Variants in TRAT1 observed in about 807,000 individuals in gnomAD.
TRAT1 encodes T cell receptor associated transmembrane adaptor 1.
Under a neutral mutation model 20.0 loss-of-function variants are expected in TRAT1, and 20 were observed. The observed-to-expected ratio is 1.00, with a 90% CI of 0.70 to 1.45. The LOEUF (loss-of-function observed/expected upper bound fraction) is 1.45, where lower values mean the gene tolerates loss of function less well. TRAT1 is among the 40% of genes most tolerant of loss of function. TRAT1 has a pLI of 0.00. For synonymous variants in TRAT1, 77 were observed against 74.2 expected (o/e 1.04, Z -0.20); for missense variants, 237 against 224.1 (o/e 1.06, Z -0.37).
chr3:108,853,691 GA>G lies in TRAT1; in HGVS notation c.378del (p.Lys126AsnfsTer18), dbSNP rs1946018852. The G allele has an allele frequency of 6.2e-7, 1 of 1,614,026 alleles. No homozygotes were observed. On this transcript the variant is annotated frameshift_variant, in exon 6 of 6. Transcript: ENST00000295756. LOFTEE classifies it low-confidence loss of function (END_TRUNC). ...SVKGKRRKPR[K>X]QNTHFSDKDG... ...TTAAGGGGAAGCGTAGAAAGCCCAGGAAACAGAATACTCATTTCTCAGACAA... is the reference window on the plus strand; with the variant it reads ...TTAAGGGGAAGCGTAGAAAGCCCAGGAACAGAATACTCATTTCTCAGACAA...
At chr3:108,823,298 CA>C (rs1945709346) in intron 1 of TRAT1, among the ~76,000 whole-genome samples, 1 of 152,144 alleles carries the variant, frequency 6.6e-6, no homozygotes, top group Non-Finnish European at 1.5e-5. Flanking sequence ...TCTAATTCCT[CA>C]GAGATTAGGC....
At chr3:108,839,814 A>G (rs1323655638) in intron 3 of TRAT1, among the ~76,000 whole-genome samples, 1 of 152,174 alleles carries the variant, frequency 6.6e-6, no homozygotes, top group Non-Finnish European at 1.5e-5. Flanking sequence ...TTATTGAGCT[A>G]TTTGCAAAGA....
At chr3:108,845,407 A>T (rs989623412) in intron 3 of TRAT1, among the ~76,000 whole-genome samples, 1 of 152,240 alleles carries the variant, frequency 6.6e-6, no homozygotes, top group Non-Finnish European at 1.5e-5. Context: ...TTGTCTTATT[A>T]AAAATTCTTC....
intron 5 of TRAT1, among the ~76,000 whole-genome samples, chr3:108,851,815 C>T (rs1459360717): frequency 6.6e-6 from 1 of 152,174 alleles, no homozygotes; most frequent in African/African-American, 2.4e-5. Context: ...ATTAAACATA[C>T]AATTTGTGGT....
At chr3:108,826,514 A>G (rs1181096943) in intron 1 of TRAT1, among the ~76,000 whole-genome samples, 2 of 152,128 alleles carry the variant, frequency 1.3e-5, no homozygotes, top group Non-Finnish European at 2.9e-5. Flanking sequence ...GATGATGGGT[A>G]GTGGTTGGGA....
intron 5 of TRAT1, among the ~76,000 whole-genome samples, chr3:108,851,264 T>G (rs1178385777): frequency 6.6e-6 from 1 of 152,208 alleles, no homozygotes; most frequent in Non-Finnish European, 1.5e-5. Context: ...CCTTTGAAAA[T>G]GATGTGTACA....
At chr3:108,837,863 C>G (rs1307875137) in intron 2 of TRAT1, among the ~76,000 whole-genome samples, 1 of 151,872 alleles carries the variant, frequency 6.6e-6, no homozygotes, top group Non-Finnish European at 1.5e-5. Flanking sequence ...CCTGATTATC[C>G]CTTACTTTTT....
chr3:108,850,123 T>A lies in TRAT1; in HGVS notation c.303+869T>A, dbSNP rs72949571. Among the ~76,000 whole-genome samples the A allele has an allele frequency of 4.4e-3, 677 of 152,218 alleles. 5 individuals carry two copies. Among genetic ancestry groups the A allele is most frequent in the Middle Eastern group, 0.02 (6 of 294 alleles). ...ATTATCATTCCCATTTTACAAATGC[T>A]CACAAAGGATGAAAACTTGCCCAGA... On this transcript the variant is annotated intron_variant, in intron 5 of 5. Coordinates refer to ENST00000295756, the MANE Select transcript of TRAT1 (RefSeq NM_016388.4).
At chr3:108,845,816 C>G (rs1207406264) in intron 3 of TRAT1, among the ~76,000 whole-genome samples, 1 of 151,912 alleles carries the variant, frequency 6.6e-6, no homozygotes, top group Non-Finnish European at 1.5e-5. Flanking sequence ...CTGATAAGTT[C>G]CTCAGTTCCC....
At chr3:108,833,650 CT>C (rs1945814337) in intron 2 of TRAT1, among the ~76,000 whole-genome samples, 2 of 152,030 alleles carry the variant, frequency 1.3e-5, no homozygotes, top group South Asian at 4.2e-4. Flanking sequence ...AATAGTATAC[CT>C]TTGAAGTAGA....
intron 1 of TRAT1, 72 bp downstream of exon 1, chr3:108,823,006 G>A (rs1945706405): frequency 7.7e-7 from 1 of 1,300,112 alleles, no homozygotes; most frequent in Non-Finnish European, 1.1e-6. Context: ...GTCCTAACGA[G>A]AAGACCCTTA....
chr3:108,829,333 C>T (rs1159353205), intron 1 of TRAT1, among the ~76,000 whole-genome samples: 1 of 152,074 alleles, frequency 6.6e-6, no homozygotes, highest in East Asian at 1.9e-4. Flanking sequence ...CCTGTAATCC[C>T]AGCACTTTGG....
At chr3:108,846,025 G>A (rs1354681751) in intron 3 of TRAT1, among the ~76,000 whole-genome samples, 2 of 152,132 alleles carry the variant, frequency 1.3e-5, no homozygotes, top group African/African-American at 4.8e-5. Context: ...CCTGAGGGTC[G>A]GGGAGACATA....
At chr3:108,839,844 A>AT (rs1468424074) in intron 3 of TRAT1, among the ~76,000 whole-genome samples, 2 of 152,148 alleles carry the variant, frequency 1.3e-5, no homozygotes, top group East Asian at 3.9e-4. Context: ...AGTAGTATAC[A>AT]TTTTTTTAAA....
chr3:108,853,863 G>T lies in TRAT1; in HGVS notation c.547G>T (p.Glu183Ter). The change falls in exon 6 of 6, where the codon GAA becomes TAA. Residue 183 changes from glutamate to a stop codon, truncating the protein, a stop_gained. Transcript: ENST00000295756. LOFTEE classifies it high-confidence loss of function. ...RLFGLIRAKR[E>*]PIN The stretch of plus-strand genomic sequence containing the variant: ...GTTTGGATTGATCCGTGCTAAGAGA[G>T]AACCTATAAACTAGCTGGACCATGA... The T allele has an allele frequency of 2.5e-6, 4 of 1,613,700 alleles. No homozygotes were observed. Among genetic ancestry groups the T allele is most frequent in the Non-Finnish European group, 2.5e-6 (3 of 1,179,742 alleles).
chr3:108,846,452 A>G (rs986379612), intron 3 of TRAT1, among the ~76,000 whole-genome samples: 2 of 152,190 alleles, frequency 1.3e-5, no homozygotes, highest in African/African-American at 4.8e-5. Context: ...TTTTGATACA[A>G]TGTATGTAAA....
intron 2 of TRAT1, among the ~76,000 whole-genome samples, chr3:108,833,228 G>C (rs756108758): frequency 1.5e-4 from 23 of 152,098 alleles, no homozygotes; most frequent in African/African-American, 3.6e-4. Context: ...GACCAGCCTG[G>C]TCAACATGGA....
intron 1 of TRAT1, among the ~76,000 whole-genome samples, chr3:108,825,945 A>G (rs1004998374): frequency 1.3e-5 from 2 of 152,196 alleles, no homozygotes; most frequent in African/African-American, 2.4e-5. Context: ...CTAAATACAG[A>G]GAAAGACAAG....
intron 2 of TRAT1, among the ~76,000 whole-genome samples, chr3:108,832,798 A>T (rs973989110): frequency 1.3e-5 from 2 of 152,126 alleles, no homozygotes; most frequent in African/African-American, 4.8e-5. Flanking sequence ...AGCAAATGTG[A>T]CCTATTTACT....
Sources: allele counts gnomAD v4.1 joint callset (sites outside exome capture counted in the v4.1 genomes callset), GRCh38; gene constraint gnomAD v4.1.1; transcripts MANE v1.5; gene names NCBI Gene and HGNC (gene_info 2026-07-23, HGNC 2026-07-21).